Variants in BBOX1 observed in about 807,000 individuals in gnomAD.
BBOX1 encodes gamma-butyrobetaine dioxygenase.
In BBOX1, 35 loss-of-function variants were observed where a neutral mutation model predicts 41.6. The ratio of observed to expected loss-of-function variants is 0.84; its 90% CI spans 0.64 to 1.11. BBOX1 has a LOEUF of 1.11. Among genes scored for constraint, BBOX1 ranks in the 50% most tolerant of loss-of-function variants. The pLI, the probability that BBOX1 is intolerant of heterozygous loss-of-function variation, is 0.00. For synonymous variants in BBOX1, 163 were observed against 154.7 expected (o/e 1.05, Z -0.40); for missense variants, 458 against 460.6 (o/e 0.99, Z 0.05).
intron 4 of BBOX1, among the ~76,000 whole-genome samples, chr11:27,072,597 G>T: frequency 6.6e-6 from 1 of 152,138 alleles, no homozygotes; most frequent in African/African-American, 2.4e-5. Flanking sequence ...AAACAAAAAA[G>T]AGCCCACATT....
chr11:27,040,971 A>G lies in BBOX1; in HGVS notation c.-359A>G, dbSNP rs1227461490. The G allele has an allele frequency of 6.6e-6, 1 of 152,144 alleles. No homozygotes were observed. The highest frequency in any genetic ancestry group is 1.5e-5 in the Non-Finnish European group (1 of 68,034). The allele number at this position is 152,144 out of a possible 1,614,324, so 9.4% of individuals were successfully genotyped here. On this transcript the variant is annotated 5_prime_UTR_variant, in exon 1 of 9. Coordinates refer to ENST00000263182, the MANE Select transcript of BBOX1 (RefSeq NM_003986.3). ...CTCTGAACAGGTGGGAAAGAAGTGAACTGCTTGTTCACTTGCTGCTGTTGC... is the reference window on the plus strand; with the variant it reads ...CTCTGAACAGGTGGGAAAGAAGTGAGCTGCTTGTTCACTTGCTGCTGTTGC...
rs927505682 is a variant in BBOX1, at chr11:27,115,619, T to G, written c.639+62T>G. The G allele has an allele frequency of 4.6e-5, 66 of 1,438,646 alleles. No individual in the cohort carries two copies. The African/African-American group carries it at 7.8e-4, about 17-fold the overall frequency. 89.1% of individuals were successfully genotyped at this position (1,438,646 alleles called of 1,614,324 possible). On this transcript the variant is annotated intron_variant, in intron 6 of 8. Transcript: ENST00000263182. ...TGATGACCAGTATCTTTTCGTATTT[T>G]GAGTCTAGAAGATTACACATTTCAC... is the stretch of plus-strand genomic sequence containing the variant.
chr11:27,079,238 G>A (rs1270691964), intron 4 of BBOX1, among the ~76,000 whole-genome samples: 2 of 152,142 alleles, frequency 1.3e-5, no homozygotes. Flanking sequence ...TACCGACCTG[G>A]TAGATAGTTT....
At chr11:27,126,416 GA>G (rs1859654503) in intron 8 of BBOX1, among the ~76,000 whole-genome samples, 3 of 152,036 alleles carry the variant, frequency 2.0e-5, no homozygotes, top group Non-Finnish European at 2.9e-5. Flanking sequence ...ATTATAGGGG[GA>G]AAAAATACAA....
At chr11:27,050,638 G>GAAA (rs1851641592) in intron 2 of BBOX1, among the ~76,000 whole-genome samples, 1 of 145,694 alleles carries the variant, frequency 6.9e-6, no homozygotes, top group Non-Finnish European at 1.5e-5. Flanking sequence ...ACCTTTTTCA[G>GAAA]AATGTTAGTT....
rs145507989 is a variant in BBOX1 at position 27,068,244 on chromosome 11, T to C, written c.334+10929T>C. On this transcript the variant is annotated intron_variant, in intron 4 of 8. Transcript: ENST00000263182. ...CATCCATGCAAATATCTGTTGTTTT[T>C]TGACTTTTTAATAATAGCCATTCTG... Among the ~76,000 whole-genome samples, 666 of 152,266 alleles carry C rather than the reference T, an allele frequency of 4.4e-3. 5 individuals carry two copies. Among genetic ancestry groups the C allele is most frequent in the African/African-American group, 0.015 (642 of 41,546 alleles).
chr11:27,122,613 T>C (rs1859505230), intron 7 of BBOX1, among the ~76,000 whole-genome samples: 1 of 152,166 alleles, frequency 6.6e-6, no homozygotes. Flanking sequence ...AAATAAATTT[T>C]TCCTGCAGAT....
intron 2 of BBOX1, among the ~76,000 whole-genome samples, chr11:27,051,460 T>C (rs11029803): frequency 2.0e-5 from 3 of 151,758 alleles, no homozygotes. Context: ...CATCAGGTCC[T>C]GGAGTTTCCA....
At chr11:27,121,719 G>A (rs1859472444) in intron 7 of BBOX1, among the ~76,000 whole-genome samples, 1 of 152,190 alleles carries the variant, frequency 6.6e-6, no homozygotes, top group Non-Finnish European at 1.5e-5. Flanking sequence ...TCATCAAGGT[G>A]AAAAGGAAAT....
intron 4 of BBOX1, among the ~76,000 whole-genome samples, chr11:27,069,573 G>A (rs1190943998): frequency 6.6e-6 from 1 of 151,776 alleles, no homozygotes; most frequent in African/African-American, 2.4e-5. Flanking sequence ...TCTTTCTCTT[G>A]TCCAATTACC....
At chr11:27,104,670 T>A (rs1031728005) in intron 5 of BBOX1, among the ~76,000 whole-genome samples, 1 of 152,094 alleles carries the variant, frequency 6.6e-6, no homozygotes, top group Non-Finnish European at 1.5e-5. Flanking sequence ...CTTAAAAAAA[T>A]GGCATGAGAA....
At chr11:27,062,962 T>A (rs950438810) in intron 4 of BBOX1, 1 of 152,276 alleles carries the variant, frequency 6.6e-6, no homozygotes, top group Non-Finnish European at 1.5e-5. Context: ...TAATCACATC[T>A]GTGTTGTAGA....
At chr11:27,087,544 A>C (rs1858088953) in intron 4 of BBOX1, among the ~76,000 whole-genome samples, 1 of 152,132 alleles carries the variant, frequency 6.6e-6, no homozygotes, top group African/African-American at 2.4e-5. Flanking sequence ...ATGCATTAGG[A>C]AACCAAAAAT....
At chr11:27,070,415 A>T (rs904740409) in intron 4 of BBOX1, among the ~76,000 whole-genome samples, 3 of 152,112 alleles carry the variant, frequency 2.0e-5, no homozygotes, top group Admixed American at 6.6e-5. Flanking sequence ...GTCTAACAGT[A>T]ATTGTTTTAT....
At chr11:27,055,330 C>T in intron 2 of BBOX1, 63 bp from the exon 3 acceptor site, 1 of 1,198,276 alleles carries the variant, frequency 8.3e-7, no homozygotes, top group Non-Finnish European at 1.2e-6. Context: ...AGTGTTCACA[C>T]TCTCAGAGGC....
At chr11:27,078,991 TC>T (rs1857734966) in intron 4 of BBOX1, among the ~76,000 whole-genome samples, 1 of 152,156 alleles carries the variant, frequency 6.6e-6, no homozygotes, top group Non-Finnish European at 1.5e-5. Context: ...CCTTTCTGTC[TC>T]CCCTTTTTCT....
At chr11:27,117,333 T>A (rs1462588058) in intron 6 of BBOX1, among the ~76,000 whole-genome samples, 2 of 152,024 alleles carry the variant, frequency 1.3e-5, no homozygotes, top group Non-Finnish European at 2.9e-5. Flanking sequence ...CAGTATTAGC[T>A]ACGCTAGTCT....
intron 4 of BBOX1, among the ~76,000 whole-genome samples, chr11:27,074,934 A>T (rs1405552052): frequency 6.6e-6 from 1 of 152,144 alleles, no homozygotes; most frequent in Non-Finnish European, 1.5e-5. Flanking sequence ...GCTGGCATTG[A>T]GTGTCTGTGG....
intron 5 of BBOX1, among the ~76,000 whole-genome samples, chr11:27,095,139 G>A (rs1858391285): frequency 6.6e-6 from 1 of 151,914 alleles, no homozygotes; most frequent in African/African-American, 2.4e-5. Flanking sequence ...TATGAAGAAA[G>A]CACATGGAAA....
Sources: gnomAD v4.1 joint callset for allele counts (sites outside exome capture counted in the v4.1 genomes callset) on GRCh38, gnomAD v4.1.1 for gene constraint, MANE v1.5 for transcripts, NCBI Gene and HGNC (gene_info 2026-07-23, HGNC 2026-07-21) for gene names.